The following TGFBRAP1 variants were observed in gnomAD, a reference collection of about 807,000 sequenced individuals.
The protein encoded by TGFBRAP1 is transforming growth factor beta receptor associated protein 1.
A neutral mutation model predicts 83.2 loss-of-function variants in TGFBRAP1; 20 were observed. That is an observed-to-expected ratio of 0.24 (90% CI 0.17 to 0.35). The LOEUF is 0.35. Ranked by LOEUF, TGFBRAP1 falls within the 10% of genes least tolerant of loss-of-function variation. The pLI, the probability that TGFBRAP1 is intolerant of heterozygous loss-of-function variation, is 1.00. For missense variants in TGFBRAP1, 950 were observed against 1,099.4 expected (o/e 0.86, Z 1.92); for synonymous variants, 415 against 459.8 (o/e 0.90, Z 1.25).
chr2:105,270,786 T>C (rs1677128475), intron 10 of TGFBRAP1, among the ~76,000 whole-genome samples: 1 of 152,220 alleles, frequency 6.6e-6, no homozygotes, highest in South Asian at 2.1e-4. Context: ...GTGGCTGCCA[T>C]AGTTAAGACC....
chr2:105,308,169 A>G lies in TGFBRAP1; in HGVS notation c.133T>C (p.Phe45Leu), dbSNP rs746818059. 1.1e-5 allele frequency: 17 copies of G among 1,614,092 alleles called. No homozygotes were observed. The highest frequency in any genetic ancestry group is 1.6e-4 in the Middle Eastern group (1 of 6,084). ...TCCTCCAACAGGAAGTGGTAGACGAAGCAGTCGTTGGTGCCCACGTAGAGG... is the reference window on the plus strand; with the variant it reads ...TCCTCCAACAGGAAGTGGTAGACGAGGCAGTCGTTGGTGCCCACGTAGAGG... ...RDLYVGTNDC[F>L]VYHFLLEERP... The change falls in exon 2 of 12, where the codon TTC becomes CTC. Residue 45 changes from phenylalanine to leucine, a missense_variant. Physicochemically the swap from Phe to Leu is conservative, Grantham distance 22. Coordinates refer to ENST00000393359, the MANE Select transcript of TGFBRAP1 (RefSeq NM_004257.6).
rs1677492383 is a variant in TGFBRAP1 at position 105,280,364 on chromosome 2, C to T, written c.1463+18G>A. 3 of 1,607,340 alleles carry T rather than the reference C, an allele frequency of 1.9e-6. No homozygotes were observed. In the African/African-American group the frequency reaches 4.0e-5, roughly 21 times the overall value. ...GCAGGGCGGGAAGCCCTGATCATAT[C>T]AGGAAGGGAACACTCACTTTTTGTG... On this transcript the variant is annotated intron_variant, in intron 6 of 11. Coordinates refer to ENST00000393359, the MANE Select transcript of TGFBRAP1 (RefSeq NM_004257.6).
At chr2:105,254,351 C>T in the TGFBRAP1 span, among the ~76,000 whole-genome samples, 4 of 152,012 alleles carry the variant, frequency 2.6e-5, no homozygotes, top group Admixed American at 6.6e-5. Context: ...CTCCTTTGGG[C>T]CACAGGTTGG....
chr2:105,281,020 GA>G (rs751065908), intron 5 of TGFBRAP1, among the ~76,000 whole-genome samples: 1 of 152,158 alleles, frequency 6.6e-6, no homozygotes, highest in Non-Finnish European at 1.5e-5. Flanking sequence ...ATACCCAGCT[GA>G]GCCTGGAAAC....
Position 105,284,354 on chromosome 2 carries a change from A to C in TGFBRAP1, c.1083T>G (p.Phe361Leu). 6.2e-7 allele frequency: 1 copy of C among 1,614,096 alleles called. No homozygotes were observed. Among genetic ancestry groups the C allele is most frequent in the Non-Finnish European group, 8.5e-7 (1 of 1,179,964 alleles). Residue 361 changes from phenylalanine (F) to leucine (L), a missense_variant, in exon 5 of 12, where the codon TTT (phenylalanine) becomes TTG (leucine). By Grantham distance (22) the Phe-to-Leu change is conservative. Coordinates refer to ENST00000393359, the MANE Select transcript of TGFBRAP1 (RefSeq NM_004257.6). ...RILQQAGFIQ[F>L]AQLQFLEAKE... ...TAGCTTCCAGGAACTGAAGTTGTGC[A>C]AACTGTATAAATCCCGCCTGCTGCA...
At chr2:105,319,223 G>A (rs138349563) in intron 1 of TGFBRAP1, among the ~76,000 whole-genome samples, 26 of 151,982 alleles carry the variant, frequency 1.7e-4, no homozygotes, top group African/African-American at 6.3e-4. Context: ...ATTTTGCCCA[G>A]CTAATTTTTG....
At chr2:105,267,660 T>C in intron 11 of TGFBRAP1, 101 bp from the exon 12 acceptor site, 1 of 1,525,598 alleles carries the variant, frequency 6.6e-7, no homozygotes, top group East Asian at 2.3e-5. Context: ...ACTCCATGGG[T>C]TATTATTATG....
chr2:105,322,533 T>C (rs570293238), intron 1 of TGFBRAP1, among the ~76,000 whole-genome samples: 1 of 152,296 alleles, frequency 6.6e-6, no homozygotes, highest in African/African-American at 2.4e-5. Flanking sequence ...TTTTTTAGTA[T>C]TTTATACAGT....
At position 105,298,630 on chromosome 2, in the gene TGFBRAP1, A is replaced by C; in HGVS notation, c.764T>G (p.Val255Gly). The change falls in exon 3 of 12, where the codon GTG (valine) becomes GGG (glycine). Residue 255 changes from valine to glycine, a missense_variant. By Grantham distance (109) the Val-to-Gly change is moderately radical. Coordinates refer to ENST00000393359, the MANE Select transcript of TGFBRAP1 (RefSeq NM_004257.6). ...GAGCGCTATGACGTATGGAAAGGAC[A>C]CAGCCGCCCCAATCACATTCTCCGA... ...HWSENVIGAA[V>G]SFPYVIALDD... is the part of the protein sequence containing the mutation. 6.2e-7 allele frequency: 1 copy of C among 1,614,068 alleles called. No individual in the cohort carries two copies. Among genetic ancestry groups the C allele is most frequent in the Non-Finnish European group, 8.5e-7 (1 of 1,179,970 alleles).
rs1386915234 is a variant in TGFBRAP1 at position 105,307,845 on chromosome 2, C to A, written c.457G>T (p.Val153Leu). The A allele has an allele frequency of 6.2e-7, 1 of 1,614,220 alleles. No individual in the cohort carries two copies. Among genetic ancestry groups the A allele is most frequent in the East Asian group, 2.2e-5 (1 of 44,876 alleles). Residue 153 changes from valine (V) to leucine (L), a missense_variant, in exon 2 of 12, where the codon GTG (valine) becomes TTG (leucine). Coordinates refer to ENST00000393359, the MANE Select transcript of TGFBRAP1 (RefSeq NM_004257.6). ...VKRRTIQMFLVYEDRVQIVKE... is the reference protein window; with the variant it reads ...VKRRTIQMFLLYEDRVQIVKE... ...ACGATCTGCACCCGGTCCTCGTACA[C>A]CAGAAACATCTGGATGGTTCTGCGT... is the stretch of plus-strand genomic sequence containing the variant.
chr2:105,275,551 A>T lies in TGFBRAP1; in HGVS notation c.1665+9T>A. On this transcript the variant is annotated intron_variant, in intron 8 of 11. Transcript: ENST00000393359. The stretch of plus-strand genomic sequence containing the variant: ...AACCAAAGAGAATGCATTTTTACGA[A>T]GCACAAACCTCTTCACTTTTCTGCA... 1 of 1,611,648 alleles carries T rather than the reference A, an allele frequency of 6.2e-7. No homozygotes were observed. The highest frequency in any genetic ancestry group is 1.3e-5 in the African/African-American group (1 of 74,924).
intron 1 of TGFBRAP1, among the ~76,000 whole-genome samples, chr2:105,312,985 G>A (rs748026058): frequency 6.6e-6 from 1 of 152,182 alleles, no homozygotes; most frequent in African/African-American, 2.4e-5. Flanking sequence ...GATGGCACAT[G>A]CCTGTAATTC....
At chr2:105,301,653 A>T (rs67705379) in intron 2 of TGFBRAP1, among the ~76,000 whole-genome samples, 26,135 of 152,230 alleles carry the variant, frequency 0.17, 2,804 homozygotes, top group Middle Eastern at 0.26. Flanking sequence ...AACCTGGAAG[A>T]CAGAGAAATC....
At chr2:105,250,555 T>C in the TGFBRAP1 span, among the ~76,000 whole-genome samples, 2 of 149,616 alleles carry the variant, frequency 1.3e-5, no homozygotes, top group Non-Finnish European at 3.0e-5. Context: ...GGAAAGAAAA[T>C]TGGAAAGGCT....
rs752393767 is a variant in TGFBRAP1 at position 105,269,281 on chromosome 2, G to T, written c.2397C>A (p.Thr799=). 1 of 1,601,568 alleles carries T rather than the reference G, an allele frequency of 6.2e-7. No individual in the cohort carries two copies. Among genetic ancestry groups the T allele is most frequent in the South Asian group, 1.1e-5 (1 of 90,476 alleles). The stretch of plus-strand genomic sequence containing the variant: ...GGGGGCCAGCACTTACCTTATCGTA[G>T]GTGTAGATTAAGTTTTCGGACCTGG... ...GLARSENLIY[T]YDKMKLKGSS... is the part of the protein sequence containing the mutation. The change falls in exon 11 of 12, where the codon ACC becomes ACA. Residue 799 remains threonine, a synonymous_variant. Transcript: ENST00000393359. This position sits in a 1 kb window ranked among gnomAD's most constrained non-coding sequence, Gnocchi z 4.1.
At chr2:105,291,792 T>C (rs1421940484) in intron 4 of TGFBRAP1, among the ~76,000 whole-genome samples, 2 of 151,918 alleles carry the variant, frequency 1.3e-5, no homozygotes, top group Non-Finnish European at 2.9e-5. Context: ...GGGCATACAG[T>C]GGGAAGTGGG....
chr2:105,267,640 G>A (rs1039612524), intron 11 of TGFBRAP1, 81 bp from the exon 12 acceptor site: 1 of 1,578,172 alleles, frequency 6.3e-7, no homozygotes, highest in Non-Finnish European at 8.6e-7. Context: ...TTGCAGAGTT[G>A]ACATGCATTA....
At position 105,269,757 on chromosome 2, in the gene TGFBRAP1, C is replaced by A. The variant is rs745348624; in HGVS notation, c.1973-52G>T. 6.9e-7 allele frequency: 1 copy of A among 1,444,396 alleles called. No homozygotes were observed. Among genetic ancestry groups the A allele is most frequent in the African/African-American group, 1.4e-5 (1 of 70,598 alleles). 89.5% of individuals were successfully genotyped at this position (1,444,396 alleles called of 1,614,324 possible). A position where few individuals can be genotyped will look rare whatever the true frequency, so the allele number is the denominator to read the frequency against. ...AAGAAAGGGGCTCGCCGGCCACCCG[C>A]CCAGCGACTGGCCTCCTTGCTGCTC... On this transcript the variant is annotated intron_variant, in intron 10 of 11. Coordinates refer to ENST00000393359, the MANE Select transcript of TGFBRAP1 (RefSeq NM_004257.6). The surrounding 1 kb of genome is among the most constrained non-coding windows in gnomAD (Gnocchi z 4.1).
At chr2:105,262,186 G>C (rs76412922), downstream of TGFBRAP1, among the ~76,000 whole-genome samples, 1 of 152,174 alleles carries the variant, frequency 6.6e-6, no homozygotes, top group Non-Finnish European at 1.5e-5. Context: ...GTTTGGATGC[G>C]TGTCGCCCTC....
Sources: allele counts gnomAD v4.1 joint callset (sites outside exome capture counted in the v4.1 genomes callset), GRCh38; gene constraint gnomAD v4.1.1; non-coding constraint Gnocchi (gnomAD v3.1); transcripts MANE v1.5; gene names NCBI Gene and HGNC (gene_info 2026-07-23, HGNC 2026-07-21).